The following NEIL1 variants were observed in gnomAD, a reference collection of about 807,000 sequenced individuals.
NEIL1 encodes the protein nei like DNA glycosylase 1, also known as endonuclease 8-like 1.
Under a neutral mutation model 44.2 loss-of-function variants are expected in NEIL1, and 31 were observed. That is an observed-to-expected ratio of 0.70 (90% confidence interval 0.53 to 0.95). The LOEUF is 0.95. Ranked by LOEUF, NEIL1 falls within the 40% of genes least tolerant of loss-of-function variation. The probability of loss-of-function intolerance (pLI) is 0.00; values close to 1 mark genes in which losing one functional copy is unlikely to be tolerated. For synonymous variants in NEIL1, 254 were observed against 209.7 expected, an observed-to-expected ratio of 1.21 and a Z score of -1.83; for missense variants, 549 against 515.5, an observed-to-expected ratio of 1.07 and a Z score of -0.63.
At chr15:75,347,945 C>G (rs2071568452) in intron 1 of NEIL1, 2 of 1,249,818 alleles carry the variant, frequency 1.6e-6, no homozygotes, top group Non-Finnish European at 2.1e-6. Flanking sequence ...GCTAAGTGCC[C>G]CCTTCCACTT....
chr15:75,352,607 G>A lies in NEIL1; in HGVS notation c.624G>A (p.Pro208=), dbSNP rs1361606323. 1.5e-5 allele frequency: 24 copies of A among 1,612,766 alleles called. No homozygotes were observed. Among genetic ancestry groups the A allele is most frequent in the African/African-American group, 8.0e-5 (6 of 74,898 alleles). ...TGCCCCTGCCCCTTCCTCAGAGCCCGGAGCTGACCCTGAGCCAGAAGATAA... is the reference window on the plus strand; with the variant it reads ...TGCCCCTGCCCCTTCCTCAGAGCCCAGAGCTGACCCTGAGCCAGAAGATAA... ...LEALQQHRPS[P]ELTLSQKIRT... Residue 208 remains proline (P), a synonymous_variant, in exon 5 of 10, where the codon CCG becomes CCA. Coordinates refer to ENST00000355059, the MANE Select transcript of NEIL1 (RefSeq NM_024608.4).
At position 75,352,631 on chromosome 15, in the gene NEIL1, A is replaced by G. The variant is rs570968686; in HGVS notation, c.648A>G (p.Ile216Met). ...CGGAGCTGACCCTGAGCCAGAAGAT[A>G]AGGACCAAGCTGCAGAATCCAGACC... Reference protein sequence around the residue: ...PSPELTLSQKIRTKLQNPDLL... With the variant: ...PSPELTLSQKMRTKLQNPDLL... Residue 216 changes from isoleucine (I) to methionine (M), a missense_variant, in exon 5 of 10, where the codon ATA becomes ATG. Ile to Met is a conservative substitution (Grantham distance 10). Coordinates refer to ENST00000355059, the MANE Select transcript of NEIL1 (RefSeq NM_024608.4). 6.2e-6 allele frequency: 10 copies of G among 1,613,524 alleles called. No individual in the cohort carries two copies. In the South Asian group the frequency reaches 1.1e-4, roughly 18 times the overall value.
rs1489209448 is a variant in NEIL1, at chr15:75,356,359, G to A, written c.*1325G>A. ...AGACACGGAAAACGCACTCCAGGAG[G>A]TGGCGGGCGCTGGGCTGGGGGCTGG... On this transcript the variant is annotated 3_prime_UTR_variant, in exon 10 of 10. Transcript: ENST00000355059. This position sits in a 1 kb window ranked among gnomAD's most constrained non-coding sequence, Gnocchi z 5.8. 1.2e-6 allele frequency: 2 copies of A among 1,612,452 alleles called. No homozygotes were observed. Among genetic ancestry groups the A allele is most frequent in the Admixed American group, 1.7e-5 (1 of 59,756 alleles).
At chr15:75,349,432 C>A in intron 2 of NEIL1, 93 bp downstream of exon 2, 1 of 1,210,190 alleles carries the variant, frequency 8.3e-7, no homozygotes, top group Non-Finnish European at 1.1e-6. Flanking sequence ...GAGTCCCTGC[C>A]CCTTCTGGGC....
Position 75,355,800 on chromosome 15 carries a change from C to T in NEIL1, c.*766C>T. On this transcript the variant is annotated 3_prime_UTR_variant, in exon 10 of 10. Transcript: ENST00000355059. Reference sequence around the variant, plus strand: ...GGGACTGAGCAGCAGGGTTCCCGATCCAAGGATTTATTCCACAAGAAAAGA... The same window carrying T: ...GGGACTGAGCAGCAGGGTTCCCGATTCAAGGATTTATTCCACAAGAAAAGA... 7.8e-7 allele frequency: 1 copy of T among 1,289,580 alleles called. No individual in the cohort carries two copies. The allele number at this position is 1,289,580 out of a possible 1,614,324, so 79.9% of individuals were successfully genotyped here.
rs1567267092 is a variant in NEIL1, at chr15:75,355,896, C to T, written c.*862C>T. ...GAGCCTTCTACAAACAAAACCCCAG[C>T]CCCAGGGACTCAGTGTGGCGGAGGC... On this transcript the variant is annotated 3_prime_UTR_variant, in exon 10 of 10. Coordinates refer to ENST00000355059, the MANE Select transcript of NEIL1 (RefSeq NM_024608.4). 1.2e-6 allele frequency: 2 copies of T among 1,614,098 alleles called. No individual in the cohort carries two copies. The highest frequency in any genetic ancestry group is 8.5e-7 in the Non-Finnish European group (1 of 1,180,004).
At position 75,348,930 on chromosome 15, in the gene NEIL1, C is replaced by T. The variant is rs1438118598; in HGVS notation, c.25C>T (p.Leu9=). 1 of 1,612,560 alleles carries T rather than the reference C, an allele frequency of 6.2e-7. No individual in the cohort carries two copies. The highest frequency in any genetic ancestry group is 1.3e-5 in the African/African-American group (1 of 74,952). The change falls in exon 2 of 10, where the codon CTG becomes TTG. Residue 9 remains leucine (L), a synonymous_variant. Transcript: ENST00000355059. ...GATGCCTGAGGGCCCCGAGCTGCAC[C>T]TGGCCAGCCAGTTTGTGAATGAGGC... MPEGPELH[L]ASQFVNEACR...
At position 75,354,435 on chromosome 15, in the gene NEIL1, C is replaced by G; in HGVS notation, c.879C>G (p.Arg293=). ...TCCAACACCAGTGTCCTGCAGGGCG[C>G]AAGTCCCGCAAAAAGAAATCCAAGG... is the stretch of plus-strand genomic sequence containing the variant. ...GDPGPLAPKG[R]KSRKKKSKAT... is the part of the protein sequence containing the mutation. Residue 293 remains arginine, a synonymous_variant, in exon 8 of 10, where the codon CGC becomes CGG. Coordinates refer to ENST00000355059, the MANE Select transcript of NEIL1 (RefSeq NM_024608.4). The G allele has an allele frequency of 6.2e-7, 1 of 1,614,216 alleles. No individual in the cohort carries two copies. The highest frequency in any genetic ancestry group is 8.5e-7 in the Non-Finnish European group (1 of 1,180,020).
chr15:75,356,331 T>C lies in NEIL1; in HGVS notation c.*1297T>C. The C allele has an allele frequency of 6.2e-7, 1 of 1,610,944 alleles. No individual in the cohort carries two copies. Among genetic ancestry groups the C allele is most frequent in the Non-Finnish European group, 8.5e-7 (1 of 1,179,194 alleles). On this transcript the variant is annotated 3_prime_UTR_variant, in exon 10 of 10. Transcript: ENST00000355059. This position sits in a 1 kb window ranked among gnomAD's most constrained non-coding sequence, Gnocchi z 5.8. ...TGACGGTCTCCAATACGACCGCGGG[T>C]GAAGACACGGAAAACGCACTCCAGG...
chr15:75,355,396 G>T lies in NEIL1; in HGVS notation c.*362G>T. ...CTCTATCAGAGGACAGTTTGCCTCT[G>T]CAAGGACAGCCCCTCAGAGGTGGTA... On this transcript the variant is annotated 3_prime_UTR_variant, in exon 10 of 10. Coordinates refer to ENST00000355059, the MANE Select transcript of NEIL1 (RefSeq NM_024608.4). The T allele has an allele frequency of 3.9e-6, 1 of 256,764 alleles. No homozygotes were observed. Among genetic ancestry groups the T allele is most frequent in the South Asian group, 4.8e-5 (1 of 21,004 alleles). The allele number at this position is 256,764 out of a possible 1,614,324, so 15.9% of individuals were successfully genotyped here. A position where few individuals can be genotyped will look rare whatever the true frequency, so the allele number is the denominator to read the frequency against.
rs754209583 is a variant in NEIL1 at position 75,354,424 on chromosome 15, C to A, written c.875-7C>A. ...GACCCTCCAACTCCAACACCAGTGT[C>A]CTGCAGGGCGCAAGTCCCGCAAAAA... On this transcript the variant is annotated splice_region_variant and splice_polypyrimidine_tract_variant and intron_variant, in intron 7 of 9. Coordinates refer to ENST00000355059, the MANE Select transcript of NEIL1 (RefSeq NM_024608.4). 1 of 1,614,192 alleles carries A rather than the reference C, an allele frequency of 6.2e-7. No individual in the cohort carries two copies. The highest frequency in any genetic ancestry group is 2.2e-5 in the East Asian group (1 of 44,888).
In NEIL1 at chr15:75,347,146, GT is replaced by G. The variant is rs2071519021; in HGVS notation, c.-348del. The G allele has an allele frequency of 6.6e-6, 1 of 152,286 alleles. No individual in the cohort carries two copies. The highest frequency in any genetic ancestry group is 2.4e-5 in the African/African-American group (1 of 41,432). 9.4% of individuals were successfully genotyped at this position (152,286 alleles called of 1,614,324 possible). The stretch of plus-strand genomic sequence containing the variant: ...CTCCTCGCCTTTTTTTGTTGTTGTT[GT>G]TGCTTGGCTGCGCTTCTGACAGGGC... On this transcript the variant is annotated 5_prime_UTR_variant, in exon 1 of 10. Coordinates refer to ENST00000355059, the MANE Select transcript of NEIL1 (RefSeq NM_024608.4).
At chr15:75,353,378 C>T (rs1426710031) in intron 5 of NEIL1, 3 of 338,270 alleles carry the variant, frequency 8.9e-6, no homozygotes, top group South Asian at 4.6e-5. Flanking sequence ...CACACCACCA[C>T]ACCGGGCTAA....
chr15:75,352,133 G>T lies in NEIL1; in HGVS notation c.457G>T (p.Ala153Ser), dbSNP rs780565156. The T allele has an allele frequency of 3.1e-6, 5 of 1,614,204 alleles. No individual in the cohort carries two copies. The highest frequency in any genetic ancestry group is 8.5e-7 in the Non-Finnish European group (1 of 1,180,036). The change falls in exon 3 of 10, where the codon GCG becomes TCG. Residue 153 changes from alanine to serine, a missense_variant. By Grantham distance (99) the Ala-to-Ser change is moderately conservative (BLOSUM62 1). Coordinates refer to ENST00000355059, the MANE Select transcript of NEIL1 (RefSeq NM_024608.4). ...QFRENVLRNL[A>S]DKAFDRPICE... The stretch of plus-strand genomic sequence containing the variant: ...CAGGGAGAATGTGCTACGAAACCTA[G>T]CGGATAAGGCCTTTGACCGGCCCAT...
Position 75,355,612 on chromosome 15 carries a change from G to T in NEIL1, c.*578G>T. 2.7e-6 allele frequency: 1 copy of T among 369,654 alleles called. No homozygotes were observed. The highest frequency in any genetic ancestry group is 5.9e-5 in the East Asian group (1 of 16,910). 22.9% of individuals were successfully genotyped at this position (369,654 alleles called of 1,614,324 possible). A position where few individuals can be genotyped will look rare whatever the true frequency, so the allele number is the denominator to read the frequency against. On this transcript the variant is annotated 3_prime_UTR_variant, in exon 10 of 10. Transcript: ENST00000355059. ...CTTCTCAACTCATGGTCTCTTCACT[G>T]GCTTTTGGTGGCTCGAGGTCCCCAG...
intron 2 of NEIL1, chr15:75,351,383 C>T: frequency 1.0e-5 from 4 of 393,446 alleles, no homozygotes; most frequent in Non-Finnish European, 1.5e-5. Flanking sequence ...TCAGGTGATT[C>T]TCTCACCTCA....
chr15:75,348,705 T>C, intron 1 of NEIL1, 179 bp from the exon 2 acceptor site: 1 of 1,431,678 alleles, frequency 7.0e-7, no homozygotes, highest in South Asian at 1.5e-5. Context: ...CGCCCTGGGC[T>C]TTCCAGGCAC....
chr15:75,354,656 G>A lies in NEIL1; in HGVS notation c.940G>A (p.Ala314Thr), dbSNP rs773400121. The change falls in exon 9 of 10, where the codon GCT becomes ACT. Residue 314 changes from alanine (A) to threonine (T), a missense_variant. Physicochemically the swap from Ala to Thr is moderately conservative, Grantham distance 58. Coordinates refer to ENST00000355059, the MANE Select transcript of NEIL1 (RefSeq NM_024608.4). Reference protein sequence around the residue: ...QLSPEDRVEDALPPSKAPSRT... With the variant: ...QLSPEDRVEDTLPPSKAPSRT... ...GACCCGTGTCTCCTCCATCCAGGAC[G>A]CTTTGCCTCCAAGCAAGGCCCCTTC... 10 of 1,614,080 alleles carry A rather than the reference G, an allele frequency of 6.2e-6. No homozygotes were observed. Among genetic ancestry groups the A allele is most frequent in the South Asian group, 3.3e-5 (3 of 91,090 alleles).
At chr15:75,353,224 T>TAGACACACACAC (rs1555432602) in intron 5 of NEIL1, 3 of 163,014 alleles carry the variant, frequency 1.8e-5, no homozygotes, top group Non-Finnish European at 2.7e-5. Flanking sequence ...TATATATTTA[T>TAGACACACACAC]ACACACACAC....
Sources: gnomAD v4.1 joint callset for allele counts on GRCh38, gnomAD v4.1.1 for gene constraint, Gnocchi (gnomAD v3.1) non-coding constraint, MANE v1.5 for transcripts, NCBI Gene and HGNC (gene_info 2026-07-23, HGNC 2026-07-21) for gene names.